The following SPINK6 variants were observed in gnomAD, a reference collection of about 807,000 sequenced individuals.
SPINK6 encodes the protein serine protease inhibitor Kazal-type 6.
Under a neutral mutation model 11.7 loss-of-function variants are expected in SPINK6, and 13 were observed. The ratio of observed to expected loss-of-function variants is 1.11; its 90% confidence interval spans 0.72 to 1.76. The LOEUF (loss-of-function observed/expected upper bound fraction) is 1.76. SPINK6 is among the 40% of genes most tolerant of loss of function. The pLI, the probability that SPINK6 is intolerant of heterozygous loss-of-function variation, is 0.00. For missense variants in SPINK6, 98 were observed against 93.7 expected (o/e 1.05, Z -0.19); for synonymous variants, 21 against 31.9 (o/e 0.66, Z 1.15).
intron 2 of SPINK6, among the ~76,000 whole-genome samples, chr5:148,209,945 G>A (rs538288595): frequency 0.021 from 209 of 10,190 alleles, 1 homozygote; most frequent in Middle Eastern, 0.17. Context: ...TGAGTAAAAG[G>A]TTTCATATAT....
chr5:148,203,193 T>G, intron 1 of SPINK6, 39 bp downstream of exon 1: 1 of 1,459,454 alleles, frequency 6.9e-7, no homozygotes, highest in Non-Finnish European at 9.5e-7. Context: ...ATATTTATAC[T>G]GAACTGGATA....
intron 2 of SPINK6, among the ~76,000 whole-genome samples, chr5:148,209,997 C>CACCTACGTAT (rs1561732192): frequency 6.9e-6 from 1 of 145,888 alleles, no homozygotes; most frequent in African/African-American, 2.5e-5. Context: ...TACATATACA[C>CACCTACGTAT]GTATGTATAC....
intron 1 of SPINK6, 40 bp downstream of exon 1, chr5:148,203,194 G>C (rs1755456640): frequency 6.9e-7 from 1 of 1,449,642 alleles, no homozygotes; most frequent in African/African-American, 1.4e-5. Context: ...TATTTATACT[G>C]AACTGGATAT....
In SPINK6 at chr5:148,203,183, A is replaced by G. The variant is rs372648777; in HGVS notation, c.58+29A>G. On this transcript the variant is annotated intron_variant, in intron 1 of 3. Coordinates refer to ENST00000325630, the MANE Select transcript of SPINK6 (RefSeq NM_205841.4). ...AGTTTTTTCTTAAAATTAAGATCCC[A>G]TATTTATACTGAACTGGATATGATG... is the stretch of plus-strand genomic sequence containing the variant. The G allele has an allele frequency of 2.3e-5, 36 of 1,546,472 alleles. No individual in the cohort carries two copies. In the Admixed American group the frequency reaches 2.6e-4, roughly 11 times the overall value.
chr5:148,213,048 A>G (rs1755633669), intron 2 of SPINK6, among the ~76,000 whole-genome samples: 1 of 150,638 alleles, frequency 6.6e-6, no homozygotes, highest in East Asian at 1.9e-4. Flanking sequence ...TACTTTATAT[A>G]TACATATCCT....
intron 2 of SPINK6, among the ~76,000 whole-genome samples, chr5:148,207,560 G>C (rs1755516005): frequency 6.6e-6 from 1 of 152,172 alleles, no homozygotes; most frequent in Non-Finnish European, 1.5e-5. Flanking sequence ...GCCGGGCACG[G>C]TGCCTCATGC....
intron 2 of SPINK6, among the ~76,000 whole-genome samples, chr5:148,207,502 C>A (rs1755515046): frequency 6.6e-6 from 1 of 151,906 alleles, no homozygotes; most frequent in South Asian, 2.1e-4. Flanking sequence ...CTGCTCAGGC[C>A]CAAAAAGGGA....
At chr5:148,211,278 GA>G (rs2113315012) in intron 2 of SPINK6, among the ~76,000 whole-genome samples, 1 of 152,170 alleles carries the variant, frequency 6.6e-6, no homozygotes, top group African/African-American at 2.4e-5. Context: ...TGAAGTTAAG[GA>G]CATAACAGCT....
chr5:148,213,735 T>A (rs1273086399), intron 2 of SPINK6, among the ~76,000 whole-genome samples, 175 bp from the exon 3 acceptor site: 1 of 152,202 alleles, frequency 6.6e-6, no homozygotes, highest in African/African-American at 2.4e-5. Flanking sequence ...TAATGTATTC[T>A]ACTTAAGTAG....
chr5:148,210,007 C>CATACACACATACGTATGT lies in SPINK6; in HGVS notation c.82-3901_82-3900insACACACATACGTATGTAT, dbSNP rs1554112271. 1.0e-4 allele frequency among the ~76,000 whole-genome samples: 11 copies of CATACACACATACGTATGT among 105,720 alleles called. 3 individuals are homozygous for CATACACACATACGTATGT. Among genetic ancestry groups the CATACACACATACGTATGT allele is most frequent in the Admixed American group, 1.7e-4 (2 of 11,900 alleles). The allele number at this position is 105,720 out of a possible 152,430, so 69.4% of individuals were successfully genotyped here. On this transcript the variant is annotated intron_variant, in intron 2 of 3. Coordinates refer to ENST00000325630, the MANE Select transcript of SPINK6 (RefSeq NM_205841.4). The stretch of plus-strand genomic sequence containing the variant: ...ATGTATACATATACACGTATGTATA[C>CATACACACATACGTATGT]ATGTATGTACGCATGTACGCATGCA...
intron 3 of SPINK6, among the ~76,000 whole-genome samples, chr5:148,214,622 C>T (rs1755658367): frequency 6.6e-6 from 1 of 152,142 alleles, no homozygotes; most frequent in African/African-American, 2.4e-5. Context: ...GTGACCTCTA[C>T]CTTTTTCAAT....
At chr5:148,214,781 T>C (rs959580132) in intron 3 of SPINK6, 124 bp from the exon 4 acceptor site, 3 of 740,726 alleles carry the variant, frequency 4.1e-6, no homozygotes, top group Admixed American at 5.5e-5. Context: ...TTCTGAATCA[T>C]ATAAATGGAA....
chr5:148,208,804 A>G (rs1232828451), intron 2 of SPINK6, among the ~76,000 whole-genome samples: 1 of 152,232 alleles, frequency 6.6e-6, no homozygotes, highest in Non-Finnish European at 1.5e-5. Flanking sequence ...TTTAAAAGAC[A>G]CATTTTCAGA....
At chr5:148,208,994 C>A (rs1363636125) in intron 2 of SPINK6, among the ~76,000 whole-genome samples, 1 of 152,136 alleles carries the variant, frequency 6.6e-6, no homozygotes, top group Non-Finnish European at 1.5e-5. Context: ...CAATGATTGG[C>A]AACCATTTTC....
rs1755507093 is a variant in SPINK6 at position 148,206,947 on chromosome 5, A to G, written c.81+889A>G. ...TTTCCAACCCTGATATACCCACTGC[A>G]TTATATAAGAATGTTAGTTTTTTAA... is the stretch of plus-strand genomic sequence containing the variant. On this transcript the variant is annotated intron_variant, in intron 2 of 3. Coordinates refer to ENST00000325630, the MANE Select transcript of SPINK6 (RefSeq NM_205841.4). Among the ~76,000 whole-genome samples the G allele has an allele frequency of 2.0e-5, 3 of 152,098 alleles. No homozygotes were observed. The South Asian group carries it at 6.2e-4, about 31-fold the overall frequency.
At chr5:148,211,975 G>A (rs1051811520) in intron 2 of SPINK6, among the ~76,000 whole-genome samples, 1 of 152,062 alleles carries the variant, frequency 6.6e-6, no homozygotes, top group Non-Finnish European at 1.5e-5. Flanking sequence ...CTCTCCATAT[G>A]TAAGTGTCAC....
upstream of SPINK6, chr5:148,202,880 T>G (rs996159647): frequency 7.3e-6 from 3 of 411,562 alleles, no homozygotes; most frequent in Non-Finnish European, 1.3e-5. Context: ...CATTCTCTAT[T>G]AATAAGATCT....
chr5:148,206,846 CT>C (rs1755505224), intron 2 of SPINK6, among the ~76,000 whole-genome samples: 1 of 152,176 alleles, frequency 6.6e-6, no homozygotes, highest in South Asian at 2.1e-4. Context: ...CTTGGCGTGC[CT>C]TGTTATACCT....
chr5:148,212,641 A>C, intron 2 of SPINK6, among the ~76,000 whole-genome samples: 1 of 100,908 alleles, frequency 9.9e-6, no homozygotes, highest in South Asian at 2.5e-4. Flanking sequence ...TATTATATAT[A>C]ATATAAATAT....
Sources: gnomAD v4.1 joint callset for allele counts (sites outside exome capture counted in the v4.1 genomes callset) on GRCh38, gnomAD v4.1.1 for gene constraint, MANE v1.5 for transcripts, NCBI Gene and HGNC (gene_info 2026-07-23, HGNC 2026-07-21) for gene names.